The following KIF22 variants were observed in gnomAD, a reference collection of about 807,000 sequenced individuals.
KIF22 encodes kinesin-like protein KIF22.
A neutral mutation model predicts 73.0 loss-of-function variants in KIF22; 62 were observed. The ratio of observed to expected loss-of-function variants is 0.85; its 90% CI spans 0.69 to 1.05. The LOEUF (loss-of-function observed/expected upper bound fraction) is 1.05, where lower values mean the gene tolerates loss of function less well. Ranked by LOEUF, KIF22 falls within the 50% of genes least tolerant of loss-of-function variation. The pLI is 0.00. For missense variants in KIF22, 854 were observed against 870.1 expected (o/e 0.98, Z 0.23); for synonymous variants, 411 against 340.1 (o/e 1.21, Z -2.29).
chr16:29,803,947 G>A, intron 10 of KIF22, 51 bp from the exon 11 acceptor site: 1 of 1,354,644 alleles, frequency 7.4e-7, no homozygotes, highest in Non-Finnish European at 1.1e-6. Context: ...CTACCAGGGA[G>A]GGTGAAAAGT....
Position 29,790,788 on chromosome 16 carries a change from G to C in KIF22, c.29G>C (p.Arg10Thr), listed in dbSNP as rs761406331. MAAGGSTQQRRREMAAASAA... is the reference protein window; with the variant it reads MAAGGSTQQTRREMAAASAA... ...GCCGCGGGCGGCTCGACGCAGCAGA[G>C]GCGACGCGAGATGGCGGCAGCTTCA... The change falls in exon 1 of 14, where the codon AGG (arginine) becomes ACG (threonine). Residue 10 changes from arginine to threonine, a missense_variant. Physicochemically the swap from Arg to Thr is moderately conservative, Grantham distance 71. Coordinates refer to ENST00000160827, the MANE Select transcript of KIF22 (RefSeq NM_007317.3). The C allele has an allele frequency of 2.5e-6, 4 of 1,603,150 alleles. No individual in the cohort carries two copies. The African/African-American group carries it at 5.3e-5, about 21-fold the overall frequency.
chr16:29,790,765 C>G lies in KIF22; in HGVS notation c.6C>G (p.Ala2=), dbSNP rs370681348. Residue 2 remains alanine, a synonymous_variant, in exon 1 of 14, where the codon GCC becomes GCG. Coordinates refer to ENST00000160827, the MANE Select transcript of KIF22 (RefSeq NM_007317.3). ...GGGCCCAAGGAGGGAGTGGAATGGC[C>G]GCGGGCGGCTCGACGCAGCAGAGGC... M[A]AGGSTQQRRR... is the part of the protein sequence containing the mutation. The G allele has an allele frequency of 3.1e-6, 5 of 1,595,164 alleles. No homozygotes were observed. The highest frequency in any genetic ancestry group is 3.5e-5 in the Admixed American group (2 of 57,388).
chr16:29,791,601 T>C (rs568824105), intron 1 of KIF22: 2 of 152,362 alleles, frequency 1.3e-5, no homozygotes, highest in African/African-American at 4.8e-5. Flanking sequence ...CTAACACATG[T>C]AGAGCTCTTG....
At chr16:29,793,408 G>C (rs1898868860) in intron 1 of KIF22, among the ~76,000 whole-genome samples, 1 of 152,198 alleles carries the variant, frequency 6.6e-6, no homozygotes, top group South Asian at 2.1e-4. Context: ...CTGCACTCCA[G>C]CCTGGCGACA....
chr16:29,797,362 C>T lies in KIF22; in HGVS notation c.266+274C>T, dbSNP rs1898978504. Among the ~76,000 whole-genome samples, 1 of 152,112 alleles carries T rather than the reference C, an allele frequency of 6.6e-6. No individual in the cohort carries two copies. The highest frequency in any genetic ancestry group is 2.4e-5 in the African/African-American group (1 of 41,416). On this transcript the variant is annotated intron_variant, in intron 2 of 13. Transcript: ENST00000160827. The surrounding 1 kb of genome is among the most constrained non-coding windows in gnomAD (Gnocchi z 4.1). ...TGAGCAGGTGAGCCCCAAGTAGAGGCTGGGGGACATATCAGGAGGGTTGGC... is the reference window on the plus strand; with the variant it reads ...TGAGCAGGTGAGCCCCAAGTAGAGGTTGGGGGACATATCAGGAGGGTTGGC...
chr16:29,802,650 T>C, intron 8 of KIF22, 119 bp from the exon 9 acceptor site: 1 of 957,628 alleles, frequency 1.0e-6, no homozygotes, highest in Non-Finnish European at 1.5e-6. Context: ...CCTAGCAAGT[T>C]AACATTAGGT....
intron 11 of KIF22, chr16:29,804,333 A>G (rs1046589744): frequency 1.7e-6 from 1 of 602,016 alleles, no homozygotes; most frequent in East Asian, 2.7e-5. Context: ...CTTAAGAGGG[A>G]AAACTTAGGG....
At chr16:29,804,443 TATC>T in intron 11 of KIF22, 1 of 621,652 alleles carries the variant, frequency 1.6e-6, no homozygotes, top group Non-Finnish European at 3.0e-6. Context: ...TTGGGGGAGG[TATC>T]ATTTATTCAT....
chr16:29,796,369 A>C (rs774181873), intron 1 of KIF22, among the ~76,000 whole-genome samples: 19 of 151,578 alleles, frequency 1.3e-4, no homozygotes, highest in South Asian at 1.2e-3. Context: ...TTTAATCCTT[A>C]GAACAACCCT....
At chr16:29,792,584 G>A (rs990427362) in intron 1 of KIF22, 1 of 163,906 alleles carries the variant, frequency 6.1e-6, no homozygotes, top group Non-Finnish European at 1.3e-5. Flanking sequence ...GCAATAGTGG[G>A]GTGTGACAAA....
Position 29,805,158 on chromosome 16 carries a change from T to C in KIF22, c.1934T>C (p.Met645Thr). 1 of 1,613,920 alleles carries C rather than the reference T, an allele frequency of 6.2e-7. No individual in the cohort carries two copies. Among genetic ancestry groups the C allele is most frequent in the Non-Finnish European group, 8.5e-7 (1 of 1,180,012 alleles). ...GTGGAGGGCATAACGGGGAAACAGA[T>C]GGAGTCCTTCCTGAAGGTGAAGTCA... The part of the protein sequence containing the change: ...ERVEGITGKQ[M>T]ESFLKANILG... Residue 645 changes from methionine to threonine, a missense_variant, in exon 13 of 14, where the codon ATG becomes ACG. By Grantham distance (81) the Met-to-Thr change is moderately conservative. Transcript: ENST00000160827.
Position 29,802,867 on chromosome 16 carries a change from T to A in KIF22, c.1379T>A (p.Leu460Gln). The change falls in exon 9 of 14, where the codon CTG (leucine) becomes CAG (glutamine). Residue 460 changes from leucine (L) to glutamine (Q), a missense_variant. Around this residue, in one of 3 missense-constraint regions of KIF22, gnomAD observed 423 missense variants for 365.4 expected, o/e 1.16. Transcript: ENST00000160827. ...LASQGSQGAP[L>Q]LSTPKRERMV... ...TCCCAGGGGAGCCAGGGGGCCCCTC[T>A]GTTGAGTACCCCAAAGCGAGAGCGG... The A allele has an allele frequency of 6.2e-7, 1 of 1,611,936 alleles. No homozygotes were observed. The highest frequency in any genetic ancestry group is 8.5e-7 in the Non-Finnish European group (1 of 1,179,220).
chr16:29,798,290 C>A lies in KIF22; in HGVS notation c.267-84C>A. 6.2e-6 allele frequency: 8 copies of A among 1,285,154 alleles called. No homozygotes were observed. The highest frequency in any genetic ancestry group is 3.1e-5 in the East Asian group (1 of 31,800). The allele number at this position is 1,285,154 out of a possible 1,614,324, so 79.6% of individuals were successfully genotyped here. The stretch of plus-strand genomic sequence containing the variant: ...CCAGATGAGAGTAGAATCCCTTACC[C>A]ACCCCCACCCCACTCCACCCCTTAC... On this transcript the variant is annotated intron_variant, in intron 2 of 13. Transcript: ENST00000160827. This position sits in a 1 kb window ranked among gnomAD's most constrained non-coding sequence, Gnocchi z 4.1.
rs567768136 is a variant in KIF22 at position 29,803,664 on chromosome 16, G to A, written c.1609+56G>A. The A allele has an allele frequency of 5.7e-5, 78 of 1,374,126 alleles. No homozygotes were observed. In the East Asian group the frequency reaches 1.7e-3, roughly 30 times the overall value. The allele number at this position is 1,374,126 out of a possible 1,614,324, so 85.1% of individuals were successfully genotyped here. ...AGGCAGCTGAGATCCTATAAGGGAG[G>A]AAGTGTTAGGAGCAGCTGTCTCCAT... is the stretch of plus-strand genomic sequence containing the variant. On this transcript the variant is annotated intron_variant, in intron 10 of 13. Transcript: ENST00000160827.
In KIF22 at chr16:29,799,548, C is replaced by T. The variant is rs148016950; in HGVS notation, c.990+54C>T. The T allele has an allele frequency of 1.3e-4, 211 of 1,612,090 alleles. No individual in the cohort carries two copies. In the African/African-American group the frequency reaches 2.6e-3, roughly 20 times the overall value. ...GGGCTGCAGAAGGAGGTTCTCAGGC[C>T]TGCTGTGGGGTGGGGAATAGCAGTT... is the stretch of plus-strand genomic sequence containing the variant. On this transcript the variant is annotated intron_variant, in intron 6 of 13. Transcript: ENST00000160827.
intron 1 of KIF22, 66 bp from the exon 2 acceptor site, chr16:29,796,827 A>G (rs1567357480): frequency 1.3e-6 from 2 of 1,514,114 alleles, no homozygotes; most frequent in East Asian, 2.3e-5. Flanking sequence ...CCGCCCAGCA[A>G]AGTTGGTCCC....
intron 10 of KIF22, 112 bp from the exon 11 acceptor site, chr16:29,803,886 T>G: frequency 1.2e-6 from 1 of 844,948 alleles, no homozygotes; most frequent in East Asian, 2.5e-5. Flanking sequence ...CACAACAGGT[T>G]AACTCTGGAT....
At chr16:29,795,547 G>A (rs1898928469) in intron 1 of KIF22, among the ~76,000 whole-genome samples, 1 of 152,110 alleles carries the variant, frequency 6.6e-6, no homozygotes, top group Non-Finnish European at 1.5e-5. Context: ...TACATAATAA[G>A]GAAGCAATAC....
intron 1 of KIF22, 89 bp from the exon 2 acceptor site, chr16:29,796,804 T>C: frequency 1.1e-5 from 14 of 1,238,788 alleles, no homozygotes; most frequent in Non-Finnish European, 1.6e-5. Flanking sequence ...CAACATGAGC[T>C]GTGGCCCCCA....
Sources: allele counts gnomAD v4.1 joint callset (sites outside exome capture counted in the v4.1 genomes callset), GRCh38; gene constraint gnomAD v4.1.1; regional missense constraint gnomAD v4.1.1; non-coding constraint Gnocchi (gnomAD v3.1); transcripts MANE v1.5; gene names NCBI Gene and HGNC (gene_info 2026-07-23, HGNC 2026-07-21).